The following RNF212B variants were observed in gnomAD, a reference collection of about 807,000 sequenced individuals.
The protein encoded by RNF212B is E3 ubiquitin-protein ligase RNF212B.
In RNF212B, 52 loss-of-function variants were observed where a neutral mutation model predicts 55.5. That is an observed-to-expected ratio of 0.94 (90% CI 0.75 to 1.18). The LOEUF (loss-of-function observed/expected upper bound fraction) is 1.18, where lower values mean the gene tolerates loss of function less well. Ranked by LOEUF, RNF212B falls within the 50% of genes most tolerant of loss-of-function variation. RNF212B has a pLI of 0.00. For synonymous variants in RNF212B, 99 were observed against 121.4 expected, an observed-to-expected ratio of 0.82 and a Z score of 1.21; for missense variants, 289 against 350.4, an observed-to-expected ratio of 0.82 and a Z score of 1.40.
At chr14:23,198,065 C>A (rs1303674716) in intron 2 of RNF212B, among the ~76,000 whole-genome samples, 1 of 152,164 alleles carries the variant, frequency 6.6e-6, no homozygotes, top group East Asian at 1.9e-4. Context: ...GTTTTTACTT[C>A]TTTTGTGGAT....
intron 2 of RNF212B, among the ~76,000 whole-genome samples, chr14:23,205,765 G>C (rs1352196866): frequency 1.3e-5 from 2 of 152,164 alleles, no homozygotes; most frequent in African/African-American, 4.8e-5. Flanking sequence ...AGGATTAGAA[G>C]TTATGGCAAT....
At chr14:23,256,639 T>C (rs1399417402) in intron 4 of RNF212B, among the ~76,000 whole-genome samples, 2 of 152,114 alleles carry the variant, frequency 1.3e-5, no homozygotes, top group Non-Finnish European at 2.9e-5. Flanking sequence ...CCCAAAGTGC[T>C]AGGATTACAA....
intron 1 of RNF212B, among the ~76,000 whole-genome samples, chr14:23,189,990 A>G (rs1394576799): frequency 6.6e-6 from 1 of 151,762 alleles, no homozygotes; most frequent in East Asian, 1.9e-4. Flanking sequence ...CATCTACTCT[A>G]TCAGTTGGAC....
At chr14:23,252,097 G>T (rs1277471238) in intron 4 of RNF212B, among the ~76,000 whole-genome samples, 1 of 152,010 alleles carries the variant, frequency 6.6e-6, no homozygotes, top group Non-Finnish European at 1.5e-5. Context: ...GGGTTGGGGG[G>T]CGTGGGAAGA....
At chr14:23,228,184 A>G (rs1020375199) in intron 2 of RNF212B, among the ~76,000 whole-genome samples, 5 of 152,030 alleles carry the variant, frequency 3.3e-5, no homozygotes, top group African/African-American at 1.2e-4. Flanking sequence ...GTGAGCTGAG[A>G]TCGTGCCATC....
At chr14:23,189,218 C>T (rs1198655539) in intron 1 of RNF212B, among the ~76,000 whole-genome samples, 9 of 152,148 alleles carry the variant, frequency 5.9e-5, no homozygotes, top group Non-Finnish European at 1.2e-4. Flanking sequence ...ACTATTGTTT[C>T]ATGGAGAAAA....
At chr14:23,217,671 C>T (rs1881220333) in intron 2 of RNF212B, among the ~76,000 whole-genome samples, 1 of 152,056 alleles carries the variant, frequency 6.6e-6, no homozygotes, top group Admixed American at 6.5e-5. Context: ...CCAAGACCAC[C>T]AAGGTGGTAC....
At chr14:23,244,113 G>A (rs538068406) in intron 3 of RNF212B, among the ~76,000 whole-genome samples, 5 of 152,118 alleles carry the variant, frequency 3.3e-5, no homozygotes, top group African/African-American at 1.2e-4. Context: ...ACAGATGGAA[G>A]CATTATTTGT....
At chr14:23,242,216 G>GT (rs11378662) in intron 2 of RNF212B, among the ~76,000 whole-genome samples, 125,884 of 152,138 alleles carry the variant, frequency 0.83, 52,504 homozygotes, top group African/African-American at 0.92. Flanking sequence ...ACCTTTTAAA[G>GT]TTCGCTAATG....
In RNF212B at chr14:23,213,106, A is replaced by G. The variant is rs183538755; in HGVS notation, c.-2+19705A>G. On this transcript the variant is annotated intron_variant, in intron 2 of 15. Transcript: ENST00000399910. ...GGTGGGCATATCACAAGGTCAGGAG[A>G]TCGAGACCATCCTGGCTAACACAGT... 7.4e-4 allele frequency among the ~76,000 whole-genome samples: 112 copies of G among 152,124 alleles called. 1 individual carries two copies. The highest frequency in any genetic ancestry group is 2.5e-3 in the African/African-American group (102 of 41,506).
intron 4 of RNF212B, among the ~76,000 whole-genome samples, chr14:23,249,888 A>C (rs777680347): frequency 1.3e-5 from 2 of 152,140 alleles, no homozygotes; most frequent in Non-Finnish European, 2.9e-5. Flanking sequence ...CCGTCACGAT[A>C]ATCTATTTCA....
intron 11 of RNF212B, among the ~76,000 whole-genome samples, chr14:23,267,103 G>C (rs1885759490): frequency 6.6e-6 from 1 of 152,114 alleles, no homozygotes; most frequent in Non-Finnish European, 1.5e-5. Context: ...TGAGTAGCTA[G>C]AACAAAAGGC....
At chr14:23,196,253 A>G (rs536850192) in intron 2 of RNF212B, among the ~76,000 whole-genome samples, 5 of 151,978 alleles carry the variant, frequency 3.3e-5, no homozygotes, top group African/African-American at 1.2e-4. Flanking sequence ...CTGAGTGCCC[A>G]CTGTCTCTCT....
At position 23,248,351 on chromosome 14, in the gene RNF212B, C is replaced by T. The variant is rs191077423; in HGVS notation, c.228+3955C>T. 4.6e-3 allele frequency among the ~76,000 whole-genome samples: 680 copies of T among 149,246 alleles called. 2 individuals carry two copies. Among genetic ancestry groups the T allele is most frequent in the African/African-American group, 0.016 (654 of 40,518 alleles). ...GGGTTTTACCATGTTGCCCAGGTCT[C>T]GAACCCCTGGGCTCACGCAATCTGC... On this transcript the variant is annotated intron_variant, in intron 4 of 14. Transcript: ENST00000430154.
At chr14:23,271,799 A>C (rs1886106690) in intron 14 of RNF212B, among the ~76,000 whole-genome samples, 1 of 152,210 alleles carries the variant, frequency 6.6e-6, no homozygotes, top group Admixed American at 6.5e-5. Context: ...TCTTGACTGA[A>C]ACAAGCTGTA....
chr14:23,243,222 G>A, intron 2 of RNF212B, 34 bp from the exon 3 acceptor site: 1 of 1,531,998 alleles, frequency 6.5e-7, no homozygotes, highest in Non-Finnish European at 8.8e-7. Flanking sequence ...TCATGCTCAT[G>A]AGAGCCAAAT....
intron 2 of RNF212B, among the ~76,000 whole-genome samples, chr14:23,212,170 C>T (rs1880586360): frequency 6.6e-6 from 1 of 152,180 alleles, no homozygotes; most frequent in Non-Finnish European, 1.5e-5. Context: ...TTGTAGCCAG[C>T]CTTATACATA....
chr14:23,214,669 A>AAAT (rs778100666), intron 2 of RNF212B, among the ~76,000 whole-genome samples: 13 of 151,778 alleles, frequency 8.6e-5, no homozygotes, highest in African/African-American at 1.7e-4. Context: ...CTTGAAGATA[A>AAAT]AATAATAATA....
intron 2 of RNF212B, among the ~76,000 whole-genome samples, chr14:23,193,601 A>G (rs950796271): frequency 2.0e-5 from 3 of 152,196 alleles, no homozygotes; most frequent in African/African-American, 7.2e-5. Flanking sequence ...TTTTTATCTA[A>G]TGAGTCTAAG....
Sources: gnomAD v4.1 joint callset for allele counts (sites outside exome capture counted in the v4.1 genomes callset) on GRCh38, gnomAD v4.1.1 for gene constraint, MANE v1.5 for transcripts, NCBI Gene and HGNC (gene_info 2026-07-23, HGNC 2026-07-21) for gene names.